The following RGS6 variants were observed in gnomAD, a reference collection of about 807,000 sequenced individuals.
RGS6 encodes regulator of G-protein signaling 6.
A neutral mutation model predicts 78.5 loss-of-function variants in RGS6; 30 were observed. The ratio of observed to expected loss-of-function variants is 0.38; its 90% CI spans 0.29 to 0.52. The LOEUF (loss-of-function observed/expected upper bound fraction) is 0.52, where lower values mean the gene tolerates loss of function less well. RGS6 is among the 20% of genes least tolerant of loss of function. The pLI is 0.85. For missense variants in RGS6, 495 were observed against 609.7 expected (o/e 0.81, Z 1.98); for synonymous variants, 206 against 206.0 (o/e 1.00, Z 0.00).
intron 2 of RGS6, among the ~76,000 whole-genome samples, chr14:72,240,984 G>A (rs926864306): frequency 7.9e-5 from 12 of 151,914 alleles, no homozygotes; most frequent in East Asian, 1.9e-4. Flanking sequence ...TGGTGAAACC[G>A]TGTCTCTACC....
Position 72,295,932 on chromosome 14 carries a change from T to A in RGS6, c.85-56163T>A, listed in dbSNP as rs528750038. Among the ~76,000 whole-genome samples, 24 of 152,366 alleles carry A rather than the reference T, an allele frequency of 1.6e-4. No homozygotes were observed. The South Asian group carries it at 5.0e-3, about 32-fold the overall frequency. The stretch of plus-strand genomic sequence containing the variant: ...TAGCTTTTAAGTACACAGTTTGATC[T>A]GTGTTGACTATACTTACGTAACCCA... On this transcript the variant is annotated intron_variant, in intron 2 of 17. Transcript: ENST00000553525.
intron 2 of RGS6, among the ~76,000 whole-genome samples, chr14:72,249,721 T>G (rs1447426655): frequency 6.6e-6 from 1 of 152,138 alleles, no homozygotes; most frequent in Non-Finnish European, 1.5e-5. Context: ...GCTGATGTGT[T>G]GATTCAAGTG....
At chr14:72,352,755 T>C (rs868268578) in intron 3 of RGS6, among the ~76,000 whole-genome samples, 1 of 152,196 alleles carries the variant, frequency 6.6e-6, no homozygotes, top group Non-Finnish European at 1.5e-5. Flanking sequence ...TCCTGCCTTA[T>C]AAAGAACATT....
chr14:72,256,336 G>T (rs1362873191), intron 2 of RGS6, among the ~76,000 whole-genome samples: 1 of 152,166 alleles, frequency 6.6e-6, no homozygotes, highest in East Asian at 1.9e-4. Context: ...TCCAGGTAGA[G>T]TCAGTCAGTA....
At chr14:72,194,246 TCATTCATTGACAC>T (rs1426787964) in intron 2 of RGS6, among the ~76,000 whole-genome samples, 1 of 152,218 alleles carries the variant, frequency 6.6e-6, no homozygotes, top group Admixed American at 6.5e-5. Context: ...CATCACTCAT[TCATTCATTGACAC>T]ATACTTGTTG....
chr14:71,917,866 G>C, the RGS6 span, among the ~76,000 whole-genome samples: 6 of 151,954 alleles, frequency 3.9e-5, no homozygotes, highest in African/African-American at 1.5e-4. Flanking sequence ...TTAGCGGTGG[G>C]GTTTTCCTGT....
chr14:72,546,501 C>T (rs2097405819), intron 17 of RGS6, among the ~76,000 whole-genome samples: 1 of 152,124 alleles, frequency 6.6e-6, no homozygotes, highest in Admixed American at 6.5e-5. Flanking sequence ...AGGAGGAGCC[C>T]CCAGCTGTTC....
Position 72,363,999 on chromosome 14 carries a change from TAAAAAA to T in RGS6, c.184+11827_184+11832del, listed in dbSNP as rs55943058. Among the ~76,000 whole-genome samples the T allele has an allele frequency of 6.4e-5, 3 of 46,802 alleles. 1 individual carries two copies. Among genetic ancestry groups the T allele is most frequent in the African/African-American group, 6.6e-5 (1 of 15,210 alleles). The allele number at this position is 46,802 out of a possible 152,430, so 30.7% of individuals were successfully genotyped here. A position where few individuals can be genotyped will look rare whatever the true frequency, so the allele number is the denominator to read the frequency against. On this transcript the variant is annotated intron_variant, in intron 3 of 17. Transcript: ENST00000553525. ...ACCATCACTTGTCAGTGGACAAGGC[TAAAAAA>T]AAAAAAAAAAAAAAAAAAAAACTCT... is the stretch of plus-strand genomic sequence containing the variant.
chr14:72,281,165 T>TTTTG (rs1555611332), intron 2 of RGS6, among the ~76,000 whole-genome samples: 13 of 146,470 alleles, frequency 8.9e-5, no homozygotes, highest in African/African-American at 3.1e-4. Flanking sequence ...TTTTTTTTTT[T>TTTTG]GGAGACATAG....
At chr14:72,618,570 C>T in the RGS6 span, among the ~76,000 whole-genome samples, 1 of 152,212 alleles carries the variant, frequency 6.6e-6, no homozygotes, top group East Asian at 1.9e-4. Flanking sequence ...CGATGGATAA[C>T]AAGTACTGAC....
intron 2 of RGS6, among the ~76,000 whole-genome samples, chr14:72,140,264 A>G (rs1483689455): frequency 1.3e-5 from 2 of 150,936 alleles, no homozygotes; most frequent in African/African-American, 2.4e-5. Context: ...TCCTGTAGGA[A>G]GAGAAGGAAC....
chr14:72,308,155 G>A (rs1193298490), intron 2 of RGS6, among the ~76,000 whole-genome samples: 6 of 152,042 alleles, frequency 3.9e-5, no homozygotes, highest in African/African-American at 1.2e-4. Flanking sequence ...TAGTCCTTAC[G>A]TCTTTCTCTT....
At chr14:72,465,215 T>C (rs4903026) in intron 6 of RGS6, among the ~76,000 whole-genome samples, 106,228 of 152,040 alleles carry the variant, frequency 0.7, 37,495 homozygotes, top group East Asian at 0.97. Context: ...ATATTTGCCA[T>C]CCTAACGAGC....
At chr14:71,873,633 A>G in the RGS6 span, among the ~76,000 whole-genome samples, 3 of 152,042 alleles carry the variant, frequency 2.0e-5, no homozygotes, top group Admixed American at 6.6e-5. Context: ...CTGTGCAGAA[A>G]CTGTTTAGTT....
At chr14:72,011,586 A>T (rs2085734915) in intron 2 of RGS6, among the ~76,000 whole-genome samples, 1 of 151,566 alleles carries the variant, frequency 6.6e-6, no homozygotes, top group Non-Finnish European at 1.5e-5. Context: ...AAAATATAAA[A>T]AAAAAAAATA....
chr14:72,196,578 G>A (rs1021646306), intron 2 of RGS6, among the ~76,000 whole-genome samples: 1 of 152,190 alleles, frequency 6.6e-6, no homozygotes, highest in African/African-American at 2.4e-5. Flanking sequence ...GAGCTCTTCT[G>A]AAGTTCTTGC....
At chr14:72,381,801 G>T (rs540227804) in intron 3 of RGS6, among the ~76,000 whole-genome samples, 2 of 152,136 alleles carry the variant, frequency 1.3e-5, no homozygotes, top group South Asian at 4.1e-4. Flanking sequence ...TAAAGAAAAA[G>T]CAATAATATC....
intron 3 of RGS6, among the ~76,000 whole-genome samples, chr14:72,425,910 G>A (rs1024685511): frequency 1.3e-5 from 2 of 152,096 alleles, no homozygotes; most frequent in African/African-American, 2.4e-5. Context: ...ATACGCTATC[G>A]TACTAGAATA....
intron 2 of RGS6, among the ~76,000 whole-genome samples, chr14:72,207,976 A>T (rs367862071): frequency 1.8e-4 from 27 of 152,142 alleles, no homozygotes; most frequent in African/African-American, 6.3e-4. Flanking sequence ...TAAGGGCTCT[A>T]TGTGTTTGAG....
Sources: allele counts gnomAD v4.1 joint callset (sites outside exome capture counted in the v4.1 genomes callset), GRCh38; gene constraint gnomAD v4.1.1; transcripts MANE v1.5; gene names NCBI Gene and HGNC (gene_info 2026-07-23, HGNC 2026-07-21).